Variants in ZC3H13 observed in about 807,000 individuals in gnomAD.
The protein encoded by ZC3H13 is zinc finger CCCH domain-containing protein 13.
ZC3H13 carries 64 observed loss-of-function variants against 204.1 expected under a neutral mutation model. The observed-to-expected ratio is 0.31, with a 90% CI of 0.26 to 0.39. The LOEUF is 0.39. ZC3H13 is among the 10% of genes least tolerant of loss of function. The pLI, the probability that ZC3H13 is intolerant of heterozygous loss-of-function variation, is 1.00. For synonymous variants in ZC3H13, 667 were observed against 693.7 expected, an observed-to-expected ratio of 0.96 and a Z score of 0.60; for missense variants, 1,833 against 2,082.7, an observed-to-expected ratio of 0.88 and a Z score of 2.33.
At chr13:46,049,671 C>G (rs1049910714) in intron 1 of ZC3H13, among the ~76,000 whole-genome samples, 6 of 152,060 alleles carry the variant, frequency 3.9e-5, no homozygotes, top group African/African-American at 1.4e-4. Flanking sequence ...AATTTTCAAT[C>G]CTATTTAAAA....
intron 5 of ZC3H13, among the ~76,000 whole-genome samples, chr13:46,018,039 C>A (rs7998854): frequency 0.75 from 113,961 of 152,020 alleles, 43,205 homozygotes; most frequent in African/African-American, 0.85. Flanking sequence ...CCTTGGGAAT[C>A]AACATTTAAG....
intron 10 of ZC3H13, 66 bp downstream of exon 10, chr13:45,985,231 A>T: frequency 7.2e-7 from 1 of 1,389,016 alleles, no homozygotes; most frequent in African/African-American, 1.5e-5. Context: ...ACAACATATT[A>T]GAAATCTTAG....
intron 4 of ZC3H13, among the ~76,000 whole-genome samples, chr13:46,036,852 G>C (rs1422604084): frequency 2.6e-5 from 4 of 152,030 alleles, no homozygotes; most frequent in African/African-American, 9.7e-5. Flanking sequence ...CCGAGTAGCT[G>C]GGATTATAGG....
At chr13:45,990,320 T>C (rs1239167403) in intron 8 of ZC3H13, among the ~76,000 whole-genome samples, 1 of 152,192 alleles carries the variant, frequency 6.6e-6, no homozygotes, top group Non-Finnish European at 1.5e-5. Context: ...ATGTTGTTTA[T>C]AAATGATGCC....
chr13:45,986,785 C>A (rs959847906), intron 9 of ZC3H13, among the ~76,000 whole-genome samples: 1 of 152,238 alleles, frequency 6.6e-6, no homozygotes. Context: ...CTAGCAGCCT[C>A]ATGCCCAAAA....
At chr13:45,963,788 A>G (rs772289451) in intron 17 of ZC3H13, 54 bp downstream of exon 17, 2 of 1,608,266 alleles carry the variant, frequency 1.2e-6, no homozygotes, top group East Asian at 2.2e-5. Context: ...TCCCCTTCAG[A>G]TGGCATCTTA....
chr13:45,982,292 T>C (rs1013568305), intron 10 of ZC3H13, among the ~76,000 whole-genome samples: 5 of 152,054 alleles, frequency 3.3e-5, no homozygotes, highest in South Asian at 2.1e-4. Context: ...TTTTACAGAC[T>C]ACAAAAAGGC....
chr13:45,987,831 G>C (rs930346781), intron 9 of ZC3H13, among the ~76,000 whole-genome samples: 3 of 152,166 alleles, frequency 2.0e-5, no homozygotes, highest in African/African-American at 7.2e-5. Context: ...GACTTATTAA[G>C]TTGAATCTAC....
intron 8 of ZC3H13, among the ~76,000 whole-genome samples, chr13:45,998,247 A>G (rs1034411081): frequency 6.6e-6 from 1 of 152,212 alleles, no homozygotes; most frequent in African/African-American, 2.4e-5. Context: ...AATAAAGCAA[A>G]TATCACAGTT....
chr13:45,992,739 G>A (rs1242626723), intron 8 of ZC3H13, among the ~76,000 whole-genome samples: 1 of 152,192 alleles, frequency 6.6e-6, no homozygotes, highest in African/African-American at 2.4e-5. Flanking sequence ...ACTGAGTAAA[G>A]CAGATGGCCC....
chr13:46,048,050 T>C (rs552807519), intron 1 of ZC3H13, among the ~76,000 whole-genome samples: 1 of 152,190 alleles, frequency 6.6e-6, no homozygotes, highest in Non-Finnish European at 1.5e-5. Context: ...AAAAATTCAA[T>C]GGTAATGGTT....
At chr13:45,984,409 A>T (rs1953988336) in intron 10 of ZC3H13, among the ~76,000 whole-genome samples, 1 of 152,244 alleles carries the variant, frequency 6.6e-6, no homozygotes, top group African/African-American at 2.4e-5. Context: ...AGTACTATTT[A>T]AAATGGCAAT....
chr13:45,987,466 A>G (rs961710008), intron 9 of ZC3H13, among the ~76,000 whole-genome samples: 8 of 152,194 alleles, frequency 5.3e-5, no homozygotes, highest in Admixed American at 2.0e-4. Flanking sequence ...AAGGTACAAT[A>G]TAAGAGAATT....
chr13:45,986,933 A>G (rs565265958), intron 9 of ZC3H13, among the ~76,000 whole-genome samples: 1 of 152,292 alleles, frequency 6.6e-6, no homozygotes, highest in African/African-American at 2.4e-5. Context: ...TCCTTTGTCC[A>G]TATATCCATA....
chr13:46,047,822 C>T (rs560753050), intron 1 of ZC3H13, among the ~76,000 whole-genome samples: 1 of 152,236 alleles, frequency 6.6e-6, no homozygotes, highest in South Asian at 2.1e-4. Flanking sequence ...ATTTTTAAAA[C>T]ATTTCTTAAT....
Position 45,985,856 on chromosome 13 carries a change from A to T in ZC3H13, c.1256-95T>A. 6.1e-6 allele frequency: 7 copies of T among 1,141,388 alleles called. 1 individual carries two copies. The South Asian group carries it at 1.2e-4, about 19-fold the overall frequency. The allele number at this position is 1,141,388 out of a possible 1,614,324, so 70.7% of individuals were successfully genotyped here. On this transcript the variant is annotated intron_variant, in intron 9 of 18. Transcript: ENST00000679008. ...AATACAGAACTTTAAAAATTTTATT[A>T]TAATGACAATTCGTGTTCTTTGCAA...
intron 11 of ZC3H13, 120 bp from the exon 12 acceptor site, chr13:45,975,958 A>C (rs1209644175): frequency 1.4e-6 from 2 of 1,408,500 alleles, no homozygotes; most frequent in Admixed American, 5.6e-5. Context: ...ATTACAAACC[A>C]AGTAGCATAT....
intron 4 of ZC3H13, among the ~76,000 whole-genome samples, chr13:46,028,162 AAG>A (rs2042657453): frequency 6.6e-6 from 1 of 152,242 alleles, no homozygotes; most frequent in African/African-American, 2.4e-5. Flanking sequence ...CTAATCAAAA[AAG>A]AGTATGAGTA....
At chr13:46,028,064 A>G (rs1226974354) in intron 4 of ZC3H13, among the ~76,000 whole-genome samples, 2 of 152,196 alleles carry the variant, frequency 1.3e-5, no homozygotes, top group East Asian at 1.9e-4. Context: ...ACAAGACCCA[A>G]TGGTATGTTG....
Sources: gnomAD v4.1 joint callset for allele counts (sites outside exome capture counted in the v4.1 genomes callset) on GRCh38, gnomAD v4.1.1 for gene constraint, MANE v1.5 for transcripts, NCBI Gene and HGNC (gene_info 2026-07-23, HGNC 2026-07-21) for gene names.